ZDHHC8: variants seen among roughly 807,000 people sequenced by gnomAD.
ZDHHC8 encodes the protein zDHHC palmitoyltransferase 8, also known as palmitoyltransferase ZDHHC8.
A neutral mutation model predicts 61.2 loss-of-function variants in ZDHHC8; 24 were observed. The observed-to-expected ratio is 0.39, with a 90% CI of 0.28 to 0.55. ZDHHC8 has a LOEUF of 0.55. Ranked by LOEUF, ZDHHC8 falls within the 20% of genes least tolerant of loss-of-function variation. The pLI is 0.60. For synonymous variants in ZDHHC8, 523 were observed against 492.5 expected, an observed-to-expected ratio of 1.06 and a Z score of -0.82; for missense variants, 935 against 1,102.1, an observed-to-expected ratio of 0.85 and a Z score of 2.15.
At chr22:20,137,744 G>A (rs2050433642) in intron 1 of ZDHHC8, among the ~76,000 whole-genome samples, 1 of 152,252 alleles carries the variant, frequency 6.6e-6, no homozygotes, top group African/African-American at 2.4e-5. Context: ...TTAGGGGCCT[G>A]TGGTCCTGGC....
chr22:20,146,196 C>T lies in ZDHHC8; in HGVS notation c.*796C>T. ...ATGCTGCCACAGGGGGCTGGTGACA[C>T]CCAGAGCCCCCTCCCCAGCCCTCAG... is the stretch of plus-strand genomic sequence containing the variant. On this transcript the variant is annotated 3_prime_UTR_variant, in exon 11 of 11. Coordinates refer to ENST00000334554, the MANE Select transcript of ZDHHC8 (RefSeq NM_013373.4). 2 of 985,608 alleles carry T rather than the reference C, an allele frequency of 2.0e-6. No individual in the cohort carries two copies. The highest frequency in any genetic ancestry group is 1.2e-6 in the Non-Finnish European group (1 of 829,948). The allele number at this position is 985,608 out of a possible 1,614,324, so 61.1% of individuals were successfully genotyped here.
intron 1 of ZDHHC8, 88 bp downstream of exon 1, chr22:20,132,139 G>C (rs1368104775): frequency 1.1e-5 from 10 of 881,786 alleles, no homozygotes; most frequent in Non-Finnish European, 1.4e-5. Flanking sequence ...CGCGGGGGCT[G>C]GCGGGGCCCC....
intron 1 of ZDHHC8, among the ~76,000 whole-genome samples, chr22:20,135,599 GC>G (rs1261068149): frequency 6.6e-6 from 1 of 152,230 alleles, no homozygotes; most frequent in African/African-American, 2.4e-5. Context: ...GGCCAGACTA[GC>G]CTTGGTGGGC....
At chr22:20,132,414 C>T (rs2050384810) in intron 1 of ZDHHC8, among the ~76,000 whole-genome samples, 1 of 152,226 alleles carries the variant, frequency 6.6e-6, no homozygotes, top group African/African-American at 2.4e-5. Context: ...GGGACGTGGG[C>T]CACCCACAAC....
chr22:20,139,658 C>T (rs376479354), intron 3 of ZDHHC8, 23 bp downstream of exon 3: 33 of 1,611,282 alleles, frequency 2.0e-5, no homozygotes, highest in Non-Finnish European at 1.9e-5. Context: ...CTGCCCCGCG[C>T]TCCCCCAGCC....
rs2050378462 is a variant in ZDHHC8 at position 20,131,988 on chromosome 22, A to G, written c.41A>G (p.Tyr14Cys). 8 of 1,372,264 alleles carry G rather than the reference A, an allele frequency of 5.8e-6. No individual in the cohort carries two copies. Among genetic ancestry groups the G allele is most frequent in the Non-Finnish European group, 6.7e-6 (7 of 1,046,318 alleles). The allele number at this position is 1,372,264 out of a possible 1,614,324, so 85.0% of individuals were successfully genotyped here. A position where few individuals can be genotyped will look rare whatever the true frequency, so the allele number is the denominator to read the frequency against. ...GGGACGCGCCTCAAACCCGCCAAGT[A>G]CATCCCGGTGGCCACGGCCGCCGCG... ...SPGTRLKPAK[Y>C]IPVATAAALL... The change falls in exon 1 of 11, where the codon TAC (tyrosine) becomes TGC (cysteine). Residue 14 changes from tyrosine (Y) to cysteine (C), a missense_variant. Physicochemically the swap from Tyr to Cys is radical, Grantham distance 194 (BLOSUM62 -2). Coordinates refer to ENST00000334554, the MANE Select transcript of ZDHHC8 (RefSeq NM_013373.4).
In ZDHHC8 at chr22:20,141,467, G is replaced by A. The variant is rs2050470166; in HGVS notation, c.1062G>A (p.Met354Ile). 1 of 1,613,406 alleles carries A rather than the reference G, an allele frequency of 6.2e-7. No individual in the cohort carries two copies. Among genetic ancestry groups the A allele is most frequent in the Non-Finnish European group, 8.5e-7 (1 of 1,179,948 alleles). ...VQRTSPPTPA[M>I]YKFRPAFPTG... ...GGACCAGCCCCCCGACACCTGCCATGTACAAGTTTAGGCCGGCTTTCCCCA... is the reference window on the plus strand; with the variant it reads ...GGACCAGCCCCCCGACACCTGCCATATACAAGTTTAGGCCGGCTTTCCCCA... Residue 354 changes from methionine (M) to isoleucine (I), a missense_variant, in exon 9 of 11, where the codon ATG becomes ATA. Coordinates refer to ENST00000334554, the MANE Select transcript of ZDHHC8 (RefSeq NM_013373.4).
intron 1 of ZDHHC8, among the ~76,000 whole-genome samples, chr22:20,133,952 G>A (rs146935274): frequency 2.0e-4 from 31 of 152,256 alleles, no homozygotes; most frequent in African/African-American, 7.2e-4. Context: ...CTGTGAACCT[G>A]ACCCAGCCCT....
chr22:20,141,368 G>A, intron 8 of ZDHHC8, 31 bp downstream of exon 8: 1 of 1,611,608 alleles, frequency 6.2e-7, no homozygotes, highest in South Asian at 1.1e-5. Context: ...ACTAGGGAGG[G>A]ATATGGGTTG....
At chr22:20,134,701 G>A (rs1009374865) in intron 1 of ZDHHC8, among the ~76,000 whole-genome samples, 2 of 152,234 alleles carry the variant, frequency 1.3e-5, no homozygotes, top group Non-Finnish European at 2.9e-5. Flanking sequence ...AGGTGGGCAG[G>A]AGTTCTGGGT....
rs150375510 is a variant in ZDHHC8, at chr22:20,140,195, G to A, written c.638G>A (p.Arg213Gln). The A allele has an allele frequency of 2.8e-4, 449 of 1,612,726 alleles. 3 individuals are homozygous for A. The highest frequency in any genetic ancestry group is 5.0e-5 in the Admixed American group (3 of 59,994). The change falls in exon 5 of 11, where the codon CGG becomes CAG. Residue 213 changes from arginine (R) to glutamine (Q), a missense_variant. Physicochemically the swap from Arg to Gln is conservative, Grantham distance 43 (BLOSUM62 1). Around this residue, in one of 3 missense-constraint regions of ZDHHC8, gnomAD observed 199 missense variants for 334.0 expected, o/e 0.60. Transcript: ENST00000334554. ...GGCTTCCATGTGGTGCTGGTCACTC[G>A]GGGGCGCACCACCAACGAGCAGGTG... The part of the protein sequence containing the change: ...LTGFHVVLVT[R>Q]GRTTNEQVTG...
rs772732198 is a variant in ZDHHC8 at position 20,145,315 on chromosome 22, C to G, written c.2213C>G (p.Pro738Arg). 6.3e-5 allele frequency: 101 copies of G among 1,598,554 alleles called. No homozygotes were observed. The highest frequency in any genetic ancestry group is 2.7e-5 in the Non-Finnish European group (32 of 1,173,712). Residue 738 changes from proline (P) to arginine (R), a missense_variant, in exon 11 of 11, where the codon CCA (proline) becomes CGA (arginine). By Grantham distance (103) the Pro-to-Arg change is moderately radical. Around this residue, in one of 3 missense-constraint regions of ZDHHC8, gnomAD observed 692 missense variants for 731.4 expected, o/e 0.95. Transcript: ENST00000334554. ...CGGCTGGGACCTGCCACCGGCCCCC[C>G]AGGGCCCTCTGCCAGCCCTACACGG... Reference protein sequence around the residue: ...LARLGPATGPPGPSASPTRHT... With the variant: ...LARLGPATGPRGPSASPTRHT...
rs543708453 is a variant in ZDHHC8, at chr22:20,142,887, G to A, written c.1257G>A (p.Pro419=). The change falls in exon 10 of 11, where the codon CCG becomes CCA. Residue 419 remains proline (P), a synonymous_variant. Coordinates refer to ENST00000334554, the MANE Select transcript of ZDHHC8 (RefSeq NM_013373.4). ...ATGCAGCCTACCCGCCATCCCCACC[G>A]CTCAGCGCCTCTGATGCCTTCTCGG... ...GLHAAYPPSP[P]LSASDAFSGA... is the part of the protein sequence containing the mutation. 3.7e-6 allele frequency: 6 copies of A among 1,611,590 alleles called. No individual in the cohort carries two copies. The highest frequency in any genetic ancestry group is 1.7e-5 in the Admixed American group (1 of 59,906).
intron 1 of ZDHHC8, among the ~76,000 whole-genome samples, chr22:20,135,958 G>A (rs1415984958): frequency 6.6e-6 from 1 of 152,274 alleles, no homozygotes; most frequent in Non-Finnish European, 1.5e-5. Context: ...AGCTGTGGCG[G>A]ACATTCTGCC....
chr22:20,132,481 C>T (rs1177086481), intron 1 of ZDHHC8, among the ~76,000 whole-genome samples: 3 of 152,232 alleles, frequency 2.0e-5, no homozygotes, highest in South Asian at 2.1e-4. Flanking sequence ...CCTGGCTGCC[C>T]GCCCCGGGCC....
At chr22:20,144,664 C>T (rs1428771343) in intron 10 of ZDHHC8, among the ~76,000 whole-genome samples, 2 of 152,214 alleles carry the variant, frequency 1.3e-5, no homozygotes, top group Non-Finnish European at 2.9e-5. Flanking sequence ...GGGGAGGAGG[C>T]TGCCACTGGG....
chr22:20,132,227 G>C lies in ZDHHC8; in HGVS notation c.104+176G>C, dbSNP rs560532752. On this transcript the variant is annotated intron_variant, in intron 1 of 10. Coordinates refer to ENST00000334554, the MANE Select transcript of ZDHHC8 (RefSeq NM_013373.4). ...CCGCTGGGGCTGGGGGAGTTGAAGC[G>C]GTGTGCCGGCGTCCCGGGCACCGGG... is the stretch of plus-strand genomic sequence containing the variant. Among the ~76,000 whole-genome samples, 14 of 152,272 alleles carry C rather than the reference G, an allele frequency of 9.2e-5. No individual in the cohort carries two copies. The South Asian group carries it at 2.9e-3, about 32-fold the overall frequency.
At chr22:20,144,693 C>T (rs188139813) in intron 10 of ZDHHC8, among the ~76,000 whole-genome samples, 35 of 152,338 alleles carry the variant, frequency 2.3e-4, no homozygotes, top group East Asian at 1.4e-3. Context: ...GTGGGGAGCC[C>T]GAGACCTAGA....
In ZDHHC8 at chr22:20,143,161, C is replaced by T. The variant is rs2050487776; in HGVS notation, c.1531C>T (p.Pro511Ser). ...CGGATACCACTCACCCTACCTGCAT[C>T]CTGGGGCAACGGGCGACCCGCCACG... ...VAGYHSPYLH[P>S]GATGDPPRPL... The change falls in exon 10 of 11, where the codon CCT becomes TCT. Residue 511 changes from proline (P) to serine (S), a missense_variant. Pro to Ser is a moderately conservative substitution (Grantham distance 74). Coordinates refer to ENST00000334554, the MANE Select transcript of ZDHHC8 (RefSeq NM_013373.4). The T allele has an allele frequency of 6.2e-7, 1 of 1,611,578 alleles. No homozygotes were observed. Among genetic ancestry groups the T allele is most frequent in the Non-Finnish European group, 8.5e-7 (1 of 1,179,782 alleles).
Sources: allele counts gnomAD v4.1 joint callset (sites outside exome capture counted in the v4.1 genomes callset), GRCh38; gene constraint gnomAD v4.1.1; regional missense constraint gnomAD v4.1.1; transcripts MANE v1.5; gene names NCBI Gene and HGNC (gene_info 2026-07-23, HGNC 2026-07-21).